The following GRM1 variants were observed in gnomAD, a reference collection of about 807,000 sequenced individuals.
GRM1 encodes the protein glutamate metabotropic receptor 1.
A neutral mutation model predicts 90.9 loss-of-function variants in GRM1; 33 were observed. The ratio of observed to expected loss-of-function variants is 0.36; its 90% CI spans 0.28 to 0.49. GRM1 has a LOEUF of 0.49. Among genes scored for constraint, GRM1 ranks in the 20% least tolerant of loss-of-function variants. GRM1 has a pLI of 0.99. For missense variants in GRM1, 1,190 were observed against 1,534.3 expected (o/e 0.78, Z 3.75); for synonymous variants, 700 against 613.2 (o/e 1.14, Z -2.09).
At chr6:146,180,395 C>G (rs1778504150) in intron 2 of GRM1, among the ~76,000 whole-genome samples, 1 of 151,922 alleles carries the variant, frequency 6.6e-6, no homozygotes, top group Non-Finnish European at 1.5e-5. Flanking sequence ...ATTGTTTATG[C>G]AAGAGGAAAA....
intron 5 of GRM1, among the ~76,000 whole-genome samples, chr6:146,371,856 T>A (rs546926144): frequency 1.9e-4 from 29 of 152,204 alleles, no homozygotes; most frequent in Non-Finnish European, 3.5e-4. Flanking sequence ...TTTCTTTAAA[T>A]TCACCTGTTG....
At position 146,297,943 on chromosome 6, in the gene GRM1, T is replaced by G. The variant is rs568787124; in HGVS notation, c.951-6668T>G. Among the ~76,000 whole-genome samples the G allele has an allele frequency of 7.2e-5, 11 of 152,298 alleles. No homozygotes were observed. In the East Asian group the frequency reaches 2.1e-3, roughly 29 times the overall value. Reference sequence around the variant, plus strand: ...TTTCTTCCTTTCTTCTGCAAATTACTGAAAACATACAGTTACCTTCTCTGT... The same window carrying G: ...TTTCTTCCTTTCTTCTGCAAATTACGGAAAACATACAGTTACCTTCTCTGT... On this transcript the variant is annotated intron_variant, in intron 2 of 7. Transcript: ENST00000282753.
intron 1 of GRM1, among the ~76,000 whole-genome samples, chr6:146,122,570 T>C (rs1776030414): frequency 6.6e-6 from 1 of 152,126 alleles, no homozygotes; most frequent in Non-Finnish European, 1.5e-5. Flanking sequence ...TTTCTCTTAT[T>C]ATTTAATGTT....
chr6:146,207,395 A>G (rs1779532231), intron 2 of GRM1, among the ~76,000 whole-genome samples: 1 of 152,154 alleles, frequency 6.6e-6, no homozygotes, highest in Non-Finnish European at 1.5e-5. Flanking sequence ...TCTTCTTTTG[A>G]GAAGTGTCTG....
Position 146,104,455 on chromosome 6 carries a change from AAAAG to A in GRM1, c.701-54886_701-54883del, listed in dbSNP as rs140056531. The stretch of plus-strand genomic sequence containing the variant: ...ACTCCGTCTCAAAAAAAAGAAAAAA[AAAAG>A]AAAGAAGGAATGGTTGCCTAGTGAC... On this transcript the variant is annotated intron_variant, in intron 1 of 7. Transcript: ENST00000282753. 6.4e-3 allele frequency among the ~76,000 whole-genome samples: 978 copies of A among 152,244 alleles called. 13 individuals are homozygous for A. The highest frequency in any genetic ancestry group is 0.022 in the African/African-American group (921 of 41,522).
At chr6:146,376,140 A>G (rs553592970) in intron 5 of GRM1, among the ~76,000 whole-genome samples, 13 of 152,286 alleles carry the variant, frequency 8.5e-5, no homozygotes, top group Non-Finnish European at 1.8e-4. Context: ...TCAATAAACA[A>G]ACAAAAAAGA....
intron 7 of GRM1, among the ~76,000 whole-genome samples, chr6:146,409,521 G>A (rs761338063): frequency 6.6e-6 from 1 of 152,160 alleles, no homozygotes; most frequent in Non-Finnish European, 1.5e-5. Flanking sequence ...GCCTCGGGAT[G>A]AAGACTAAGA....
At chr6:146,100,053 T>C (rs977906561) in intron 1 of GRM1, among the ~76,000 whole-genome samples, 7 of 152,342 alleles carry the variant, frequency 4.6e-5, no homozygotes, top group Admixed American at 1.3e-4. Flanking sequence ...GCATTTTTTT[T>C]CCCAATCTTA....
In GRM1 at chr6:146,434,505, C is replaced by A; in HGVS notation, c.3294C>A (p.Asp1098Glu). Residue 1098 changes from aspartate to glutamate, a missense_variant, in exon 8 of 8, where the codon GAC becomes GAA. Coordinates refer to ENST00000282753, the MANE Select transcript of GRM1 (RefSeq NM_001278064.2). ...TCTCCCCGCCCGCGGACGACGACGA[C>A]GACAGCGAGAGGTTTAAGCTCCTCC... ...ELVSPPADDDDDSERFKLLQE... is the reference protein window; with the variant it reads ...ELVSPPADDDEDSERFKLLQE... 1 of 1,614,080 alleles carries A rather than the reference C, an allele frequency of 6.2e-7. No individual in the cohort carries two copies. Among genetic ancestry groups the A allele is most frequent in the Non-Finnish European group, 8.5e-7 (1 of 1,180,012 alleles).
intron 1 of GRM1, among the ~76,000 whole-genome samples, chr6:146,150,289 G>GT (rs1184425643): frequency 1.3e-5 from 2 of 152,044 alleles, no homozygotes; most frequent in East Asian, 3.9e-4. Flanking sequence ...AGAAATTTAG[G>GT]TAAAAAAGAA....
intron 1 of GRM1, among the ~76,000 whole-genome samples, chr6:146,066,221 C>T (rs1326764883): frequency 6.6e-6 from 1 of 152,136 alleles, no homozygotes; most frequent in Non-Finnish European, 1.5e-5. Flanking sequence ...GTCTTCCTCC[C>T]TCCTTCCTCT....
At chr6:146,291,178 G>A (rs1184603535) in intron 2 of GRM1, among the ~76,000 whole-genome samples, 2 of 151,928 alleles carry the variant, frequency 1.3e-5, no homozygotes, top group African/African-American at 4.8e-5. Context: ...TCCCTGGTAT[G>A]CTTTTGCATA....
chr6:146,242,936 C>T (rs936115790), intron 2 of GRM1, among the ~76,000 whole-genome samples: 29 of 152,124 alleles, frequency 1.9e-4, no homozygotes, highest in Admixed American at 3.3e-4. Flanking sequence ...ATGGAGAATA[C>T]GTATGCTACT....
chr6:146,062,308 A>G (rs1034209602), intron 1 of GRM1, among the ~76,000 whole-genome samples: 1 of 151,576 alleles, frequency 6.6e-6, no homozygotes, highest in African/African-American at 2.4e-5. Context: ...ACACATGAAC[A>G]TAAGGAGGGG....
At chr6:146,269,872 C>A (rs185299200) in intron 2 of GRM1, among the ~76,000 whole-genome samples, 4 of 151,728 alleles carry the variant, frequency 2.6e-5, no homozygotes, top group Non-Finnish European at 5.9e-5. Flanking sequence ...AGAAAAATGA[C>A]CAGGATGGTG....
chr6:146,338,872 T>C (rs532931001), intron 3 of GRM1, among the ~76,000 whole-genome samples: 1 of 152,262 alleles, frequency 6.6e-6, no homozygotes, highest in South Asian at 2.1e-4. Context: ...TAGCAGCCCC[T>C]TCCTCCTTCT....
intron 2 of GRM1, among the ~76,000 whole-genome samples, chr6:146,223,529 T>G (rs932942831): frequency 6.6e-6 from 1 of 152,076 alleles, no homozygotes; most frequent in East Asian, 1.9e-4. Flanking sequence ...TGAGAGACCA[T>G]GAACAAAGGA....
intron 1 of GRM1, among the ~76,000 whole-genome samples, chr6:146,062,745 G>A (rs1334338679): frequency 6.6e-6 from 1 of 151,942 alleles, no homozygotes; most frequent in Admixed American, 6.6e-5. Context: ...TTCCTCCAGT[G>A]TGATTTGTTT....
intron 7 of GRM1, among the ~76,000 whole-genome samples, chr6:146,427,566 C>T (rs1015664952): frequency 2.6e-5 from 4 of 152,200 alleles, no homozygotes; most frequent in African/African-American, 9.7e-5. Context: ...AGGGCCATAA[C>T]ATCTCTTCCC....
Sources: allele counts gnomAD v4.1 joint callset (sites outside exome capture counted in the v4.1 genomes callset), GRCh38; gene constraint gnomAD v4.1.1; transcripts MANE v1.5; gene names NCBI Gene and HGNC (gene_info 2026-07-23, HGNC 2026-07-21).